The following TNFSF4 variants were observed in gnomAD, a reference collection of about 807,000 sequenced individuals.
TNFSF4 encodes the protein tumor necrosis factor ligand superfamily member 4.
In TNFSF4, 4 loss-of-function variants were observed where a neutral mutation model predicts 7.3. The observed-to-expected ratio is 0.55, with a 90% CI of 0.27 to 1.25. The LOEUF is 1.25. Ranked by LOEUF, TNFSF4 falls within the 50% of genes most tolerant of loss-of-function variation. TNFSF4 has a pLI of 0.12. For synonymous variants in TNFSF4, 76 were observed against 83.7 expected (o/e 0.91, Z 0.50); for missense variants, 181 against 208.8 (o/e 0.87, Z 0.82).
the TNFSF4 span, among the ~76,000 whole-genome samples, chr1:173,339,089 T>C: frequency 6.6e-6 from 1 of 152,136 alleles, no homozygotes; most frequent in Non-Finnish European, 1.5e-5. Context: ...GATCATCTCA[T>C]TAGATAAAGA....
At chr1:173,210,860 C>T (rs972370594), upstream of TNFSF4, among the ~76,000 whole-genome samples, 8 of 152,242 alleles carry the variant, frequency 5.3e-5, no homozygotes, top group South Asian at 1.7e-3. Flanking sequence ...CTCTCTAAGC[C>T]CTCCATCCTG....
the TNFSF4 span, among the ~76,000 whole-genome samples, chr1:173,382,222 C>T: frequency 7.2e-5 from 11 of 152,098 alleles, no homozygotes; most frequent in Non-Finnish European, 8.8e-5. Flanking sequence ...CAACTCCAGA[C>T]GCACCACCTT....
the TNFSF4 span, among the ~76,000 whole-genome samples, chr1:173,446,101 T>C: frequency 1.3e-5 from 2 of 151,970 alleles, no homozygotes; most frequent in Non-Finnish European, 2.9e-5. Flanking sequence ...CTAATTTGCA[T>C]GAAAAGTACA....
At chr1:173,350,281 G>C in the TNFSF4 span, among the ~76,000 whole-genome samples, 1 of 152,156 alleles carries the variant, frequency 6.6e-6, no homozygotes, top group East Asian at 1.9e-4. Flanking sequence ...ATTAAAATGG[G>C]TTTTTTAAGT....
At chr1:173,207,371 T>A (rs1650242471), upstream of TNFSF4, 1 of 438,180 alleles carries the variant, frequency 2.3e-6, no homozygotes, top group African/African-American at 2.0e-5. Context: ...ACGCTGCAAC[T>A]TTTGCAGGCA....
At chr1:173,209,525 G>A (rs1262477940), upstream of TNFSF4, among the ~76,000 whole-genome samples, 2 of 152,064 alleles carry the variant, frequency 1.3e-5, no homozygotes, top group African/African-American at 4.8e-5. Flanking sequence ...TTATTTTAGA[G>A]ACAGGGTCTC....
chr1:173,374,475 C>A, the TNFSF4 span, among the ~76,000 whole-genome samples: 1 of 152,094 alleles, frequency 6.6e-6, no homozygotes, highest in East Asian at 1.9e-4. Context: ...CCCTGAGGAA[C>A]CTGCATGACT....
the TNFSF4 span, among the ~76,000 whole-genome samples, chr1:173,310,581 C>T: frequency 6.6e-6 from 1 of 151,026 alleles, no homozygotes; most frequent in Admixed American, 6.6e-5. Context: ...AGTGTAGGCT[C>T]GTAAAGAACG....
chr1:173,433,948 C>T, the TNFSF4 span, among the ~76,000 whole-genome samples: 6 of 152,180 alleles, frequency 3.9e-5, no homozygotes, highest in Non-Finnish European at 7.3e-5. Flanking sequence ...GGAATTTGGA[C>T]ACAGGCATAT....
At chr1:173,275,153 G>A in the TNFSF4 span, among the ~76,000 whole-genome samples, 3 of 152,038 alleles carry the variant, frequency 2.0e-5, no homozygotes, top group African/African-American at 4.8e-5. Context: ...CACAAGCTCC[G>A]TGTTCTCTAT....
At chr1:173,341,887 T>A in the TNFSF4 span, among the ~76,000 whole-genome samples, 189 of 152,288 alleles carry the variant, frequency 1.2e-3, 3 homozygotes, top group Non-Finnish European at 2.2e-4. Context: ...AAGTCCAGCA[T>A]CCTGAAGATG....
chr1:173,242,712 T>C, the TNFSF4 span, among the ~76,000 whole-genome samples: 2 of 150,522 alleles, frequency 1.3e-5, no homozygotes, highest in Non-Finnish European at 1.5e-5. Flanking sequence ...AGAGATGGAG[T>C]GATGTGGTTT....
At chr1:173,321,557 G>A in the TNFSF4 span, among the ~76,000 whole-genome samples, 2 of 151,854 alleles carry the variant, frequency 1.3e-5, no homozygotes, top group South Asian at 2.1e-4. Context: ...CAGAATGGGA[G>A]AAAATTTTTG....
chr1:173,179,306 G>T (rs1280339251), downstream of TNFSF4, among the ~76,000 whole-genome samples: 1 of 152,192 alleles, frequency 6.6e-6, no homozygotes, highest in Non-Finnish European at 1.5e-5. Flanking sequence ...CAATGGGCAT[G>T]AGTTGCACAG....
the TNFSF4 span, among the ~76,000 whole-genome samples, chr1:173,222,873 A>T: frequency 1.3e-5 from 2 of 152,334 alleles, no homozygotes; most frequent in East Asian, 3.9e-4. Context: ...ATGAATCATC[A>T]AATTGTAATG....
At chr1:173,362,449 A>G in the TNFSF4 span, 106 of 504,566 alleles carry the variant, frequency 2.1e-4, 1 homozygote, top group Admixed American at 4.0e-4. Flanking sequence ...GGTAGCTTTT[A>G]ATTCCTTCTT....
At chr1:173,274,751 T>C in the TNFSF4 span, among the ~76,000 whole-genome samples, 2 of 152,124 alleles carry the variant, frequency 1.3e-5, no homozygotes, top group Non-Finnish European at 1.5e-5. Context: ...CTTGAAAGCA[T>C]TGTATGAGGT....
chr1:173,316,853 G>A, the TNFSF4 span, among the ~76,000 whole-genome samples: 2 of 152,034 alleles, frequency 1.3e-5, no homozygotes, highest in Non-Finnish European at 2.9e-5. Context: ...ACAAGATCAT[G>A]GAGATTTTCT....
the TNFSF4 span, among the ~76,000 whole-genome samples, chr1:173,400,060 C>T: frequency 6.6e-6 from 1 of 152,198 alleles, no homozygotes; most frequent in Non-Finnish European, 1.5e-5. Flanking sequence ...AACGCTTTTG[C>T]GAGAACTACC....
Sources: allele counts gnomAD v4.1 joint callset (sites outside exome capture counted in the v4.1 genomes callset), GRCh38; gene constraint gnomAD v4.1.1; transcripts MANE v1.5; gene names NCBI Gene and HGNC (gene_info 2026-07-23, HGNC 2026-07-21).